The following HEG1 variants were observed in gnomAD, a reference collection of about 807,000 sequenced individuals.
The protein encoded by HEG1 is protein HEG homolog 1.
HEG1 carries 56 observed loss-of-function variants against 125.6 expected under a neutral mutation model. The ratio of observed to expected loss-of-function variants is 0.45; its 90% CI spans 0.36 to 0.56. HEG1 has a LOEUF of 0.56. HEG1 is among the 20% of genes least tolerant of loss of function. The pLI, the probability that HEG1 is intolerant of heterozygous loss-of-function variation, is 0.00. For synonymous variants in HEG1, 644 were observed against 668.5 expected (o/e 0.96, Z 0.57); for missense variants, 1,523 against 1,670.0 (o/e 0.91, Z 1.53).
Position 124,965,893 on chromosome 3 carries a change from A to G in HEG1, c.*4759T>C, listed in dbSNP as rs1936299897. The G allele has an allele frequency of 6.6e-6, 1 of 152,206 alleles. No individual in the cohort carries two copies. Among genetic ancestry groups the G allele is most frequent in the South Asian group, 2.1e-4 (1 of 4,830 alleles). 9.4% of individuals were successfully genotyped at this position (152,206 alleles called of 1,614,324 possible). A position where few individuals can be genotyped will look rare whatever the true frequency, so the allele number is the denominator to read the frequency against. The stretch of plus-strand genomic sequence containing the variant: ...ACATTCTCATAATGGGTTTAACACA[A>G]TCAACCAGGGGCTAAGGTTTAAAGG... On this transcript the variant is annotated 3_prime_UTR_variant, in exon 17 of 17. Transcript: ENST00000311127.
Position 124,966,511 on chromosome 3 carries a change from CAT to C in HEG1, c.*4139_*4140del, listed in dbSNP as rs761775031. 3.3e-5 allele frequency: 5 copies of C among 152,152 alleles called. No individual in the cohort carries two copies. Among genetic ancestry groups the C allele is most frequent in the Non-Finnish European group, 7.3e-5 (5 of 68,034 alleles). The allele number at this position is 152,152 out of a possible 1,614,324, so 9.4% of individuals were successfully genotyped here. On this transcript the variant is annotated 3_prime_UTR_variant, in exon 17 of 17. Transcript: ENST00000311127. Reference sequence around the variant, plus strand: ...CAGTATCTCTATTTCCAAAAACACACATGAGAACCTCAGAATGACACTTTGTT... The same window carrying C: ...CAGTATCTCTATTTCCAAAAACACACGAGAACCTCAGAATGACACTTTGTT...
rs538344343 is a variant in HEG1, at chr3:125,014,523, G to C, written c.1589-533C>G. ...CAAATTCCTTAGGTGAGTGTGTGTG[G>C]AGGGCTGGGGGTGGGAACTGGGGAG... On this transcript the variant is annotated intron_variant, in intron 5 of 16. Coordinates refer to ENST00000311127, the MANE Select transcript of HEG1 (RefSeq NM_020733.2). Among the ~76,000 whole-genome samples the C allele has an allele frequency of 1.4e-3, 216 of 152,278 alleles. 4 individuals carry two copies. The highest frequency in any genetic ancestry group is 5.0e-3 in the African/African-American group (207 of 41,562).
intron 15 of HEG1, among the ~76,000 whole-genome samples, chr3:124,975,083 A>G (rs2107686248): frequency 6.6e-6 from 1 of 152,246 alleles, no homozygotes; most frequent in Non-Finnish European, 1.5e-5. Flanking sequence ...CCTGAAGTTT[A>G]TTTCCACTCA....
intron 14 of HEG1, among the ~76,000 whole-genome samples, chr3:124,989,524 T>C (rs1374041915): frequency 2.0e-5 from 3 of 152,222 alleles, no homozygotes; most frequent in East Asian, 1.9e-4. Flanking sequence ...ATTTTGCAGA[T>C]AATTTCAATT....
At chr3:125,017,651 G>C (rs988712735) in intron 5 of HEG1, among the ~76,000 whole-genome samples, 2 of 152,130 alleles carry the variant, frequency 1.3e-5, no homozygotes, top group African/African-American at 4.8e-5. Flanking sequence ...AGCCACTTTG[G>C]AAAAGAGTTC....
chr3:124,974,939 T>C (rs1052939472), intron 15 of HEG1, among the ~76,000 whole-genome samples: 42 of 152,170 alleles, frequency 2.8e-4, no homozygotes, highest in Admixed American at 2.7e-3. Flanking sequence ...CCTTCTCTTC[T>C]CAGGAGCCAG....
intron 5 of HEG1, among the ~76,000 whole-genome samples, chr3:125,016,243 C>CG (rs1937244364): frequency 6.6e-6 from 1 of 152,110 alleles, no homozygotes; most frequent in Non-Finnish European, 1.5e-5. Flanking sequence ...GAAAAGGGAG[C>CG]GGGCCAAGAA....
At chr3:124,985,781 T>C (rs1044083958) in intron 14 of HEG1, among the ~76,000 whole-genome samples, 7 of 152,092 alleles carry the variant, frequency 4.6e-5, no homozygotes, top group Non-Finnish European at 1.0e-4. Context: ...TTCCAGATAT[T>C]TATTCGTTTA....
At chr3:125,037,055 C>A (rs1937553980) in intron 1 of HEG1, among the ~76,000 whole-genome samples, 2 of 152,142 alleles carry the variant, frequency 1.3e-5, no homozygotes, top group Non-Finnish European at 2.9e-5. Context: ...ACCTAAATTT[C>A]TACAATAGGG....
intron 14 of HEG1, among the ~76,000 whole-genome samples, chr3:124,986,189 G>C (rs931242265): frequency 3.3e-5 from 5 of 152,196 alleles, no homozygotes; most frequent in Non-Finnish European, 5.9e-5. Flanking sequence ...AAATCTACTG[G>C]AGTTGGATGA....
In HEG1 at chr3:125,045,006, A is replaced by C. The variant is rs957187866; in HGVS notation, c.316+10569T>G. Among the ~76,000 whole-genome samples the C allele has an allele frequency of 6.6e-5, 10 of 152,236 alleles. No homozygotes were observed. In the East Asian group the frequency reaches 1.9e-3, roughly 29 times the overall value. On this transcript the variant is annotated intron_variant, in intron 1 of 16. Coordinates refer to ENST00000311127, the MANE Select transcript of HEG1 (RefSeq NM_020733.2). ...AGAGAGAGGAGTCCATGCTGATTTC[A>C]TGTAAGTAAGAAAAGGTGGCAAGAG...
intron 16 of HEG1, 188 bp from the exon 17 acceptor site, chr3:124,970,989 C>A: frequency 1.6e-6 from 1 of 632,806 alleles, no homozygotes; most frequent in Non-Finnish European, 2.8e-6. Context: ...CACTTTAATC[C>A]TTCCTGTCCC....
chr3:125,029,090 G>A, intron 2 of HEG1, 105 bp downstream of exon 2: 1 of 1,291,148 alleles, frequency 7.7e-7, no homozygotes, highest in East Asian at 2.5e-5. Flanking sequence ...TAGGAACCTT[G>A]GAAGGGCACA....
Position 124,970,647 on chromosome 3 carries a change from T to C in HEG1, c.*5A>G, listed in dbSNP as rs1361498498. ...CAGAGCAATGAGTCCCTCTCTCTCC[T>C]GGACTTAAAAGTAGTCTCTTCTTCT... is the stretch of plus-strand genomic sequence containing the variant. On this transcript the variant is annotated 3_prime_UTR_variant, in exon 17 of 17. Transcript: ENST00000311127. 1.9e-6 allele frequency: 3 copies of C among 1,593,196 alleles called. No individual in the cohort carries two copies. Among genetic ancestry groups the C allele is most frequent in the Non-Finnish European group, 2.6e-6 (3 of 1,169,364 alleles).
At chr3:125,011,906 C>A (rs1375634948) in intron 6 of HEG1, among the ~76,000 whole-genome samples, 1 of 152,214 alleles carries the variant, frequency 6.6e-6, no homozygotes, top group African/African-American at 2.4e-5. Context: ...GACAAAGGAT[C>A]ATTTGGCTGG....
intron 2 of HEG1, among the ~76,000 whole-genome samples, chr3:125,027,835 C>T (rs1046808385): frequency 5.9e-5 from 9 of 152,164 alleles, no homozygotes; most frequent in African/African-American, 1.4e-4. Flanking sequence ...CCAGAATGTA[C>T]CTGAATGCAA....
At chr3:124,972,759 A>G (rs1256729670) in intron 16 of HEG1, among the ~76,000 whole-genome samples, 2 of 152,180 alleles carry the variant, frequency 1.3e-5, no homozygotes, top group African/African-American at 4.8e-5. Context: ...AGTGATATGA[A>G]ATGAGCTGGG....
intron 14 of HEG1, among the ~76,000 whole-genome samples, chr3:124,989,654 C>T (rs775880842): frequency 6.6e-6 from 1 of 152,216 alleles, no homozygotes; most frequent in Non-Finnish European, 1.5e-5. Flanking sequence ...CACCAACACT[C>T]TTGGCTGCTT....
chr3:125,046,224 A>G (rs1937661608), intron 1 of HEG1, among the ~76,000 whole-genome samples: 1 of 152,146 alleles, frequency 6.6e-6, no homozygotes, highest in Non-Finnish European at 1.5e-5. Context: ...TGTACTAGAA[A>G]TAATTCCTAA....
Sources: allele counts gnomAD v4.1 joint callset (sites outside exome capture counted in the v4.1 genomes callset), GRCh38; gene constraint gnomAD v4.1.1; transcripts MANE v1.5; gene names NCBI Gene and HGNC (gene_info 2026-07-23, HGNC 2026-07-21).